SPEF2: variants seen among roughly 807,000 people sequenced by gnomAD.
SPEF2 encodes the protein sperm flagellar and cilia associated 2.
Under a neutral mutation model 224.6 loss-of-function variants are expected in SPEF2, and 187 were observed. That is an observed-to-expected ratio of 0.83 (90% CI 0.74 to 0.94). The LOEUF (loss-of-function observed/expected upper bound fraction) is 0.94, where lower values mean the gene tolerates loss of function less well. SPEF2 is among the 40% of genes least tolerant of loss of function. The pLI, the probability that SPEF2 is intolerant of heterozygous loss-of-function variation, is 0.00. For missense variants in SPEF2, 2,170 were observed against 2,135.6 expected (o/e 1.02, Z -0.32); for synonymous variants, 715 against 707.3 (o/e 1.01, Z -0.17).
In SPEF2 at chr5:35,654,659, G is replaced by T; in HGVS notation, c.911G>T (p.Arg304Leu). 1.2e-6 allele frequency: 2 copies of T among 1,613,852 alleles called. No individual in the cohort carries two copies. Among genetic ancestry groups the T allele is most frequent in the Non-Finnish European group, 1.7e-6 (2 of 1,179,960 alleles). Reference sequence around the variant, plus strand: ...CGCCTTGAAGAAGATGCTTTTGCACGAGAGCAAAGGGAGAAAAGACGGCGG... The same window carrying T: ...CGCCTTGAAGAAGATGCTTTTGCACTAGAGCAAAGGGAGAAAAGACGGCGG... The part of the protein sequence containing the change: ...QKRLEEDAFA[R>L]EQREKRRRKL... The change falls in exon 7 of 37, where the codon CGA becomes CTA. Residue 304 changes from arginine (R) to leucine (L), a missense_variant. Coordinates refer to ENST00000356031, the MANE Select transcript of SPEF2 (RefSeq NM_024867.4).
At chr5:35,646,444 G>A (rs1284396639) in intron 4 of SPEF2, 6 of 382,052 alleles carry the variant, frequency 1.6e-5, no homozygotes, top group Non-Finnish European at 2.8e-5. Context: ...TAATAGATAT[G>A]ATTTGCAGAT....
chr5:35,740,866 C>T (rs1026805819), intron 23 of SPEF2, among the ~76,000 whole-genome samples: 31 of 151,850 alleles, frequency 2.0e-4, no homozygotes, highest in Admixed American at 2.0e-3. Context: ...ATTCTCTTGC[C>T]CTTCATCTTT....
At chr5:35,705,515 AT>A in intron 17 of SPEF2, 135 bp from the exon 18 acceptor site, 1 of 597,378 alleles carries the variant, frequency 1.7e-6, no homozygotes. Context: ...TCTAAAATAA[AT>A]AACATTGTTT....
At chr5:35,738,651 G>A (rs979338649) in intron 21 of SPEF2, among the ~76,000 whole-genome samples, 1 of 150,914 alleles carries the variant, frequency 6.6e-6, no homozygotes. Context: ...ATCCATCTAG[G>A]GGAAAGTTTG....
At chr5:35,771,554 G>A in intron 26 of SPEF2, 55 bp from the exon 27 acceptor site, 1 of 1,570,404 alleles carries the variant, frequency 6.4e-7, no homozygotes, top group Non-Finnish European at 8.6e-7. Context: ...CATCCAAATG[G>A]TTGCCATATT....
At chr5:35,619,080 C>T (rs373250229) in intron 1 of SPEF2, among the ~76,000 whole-genome samples, 2 of 152,148 alleles carry the variant, frequency 1.3e-5, no homozygotes, top group South Asian at 2.1e-4. Context: ...ATCTTTAGCA[C>T]GGAGCATCTC....
chr5:35,769,920 C>T (rs1752558860), intron 26 of SPEF2, among the ~76,000 whole-genome samples: 1 of 151,826 alleles, frequency 6.6e-6, no homozygotes, highest in African/African-American at 2.4e-5. Flanking sequence ...CCTCAATAAC[C>T]CCCATTTTTC....
Position 35,692,550 on chromosome 5 carries a change from A to T in SPEF2, c.1745-20A>T. 1.3e-6 allele frequency: 2 copies of T among 1,546,158 alleles called. No individual in the cohort carries two copies. Among genetic ancestry groups the T allele is most frequent in the Non-Finnish European group, 1.8e-6 (2 of 1,142,468 alleles). On this transcript the variant is annotated intron_variant, in intron 11 of 36. Coordinates refer to ENST00000356031, the MANE Select transcript of SPEF2 (RefSeq NM_024867.4). ...TTCCCAAATGAAAAGCTATTTATAA[A>T]ATTATCTTTTGTACTTTAGACTTTC...
At chr5:35,761,871 C>T (rs992201306) in intron 25 of SPEF2, among the ~76,000 whole-genome samples, 9 of 152,068 alleles carry the variant, frequency 5.9e-5, no homozygotes, top group Admixed American at 1.3e-4. Flanking sequence ...TTATTTCCTG[C>T]GAATAACTCT....
intron 10 of SPEF2, among the ~76,000 whole-genome samples, chr5:35,674,752 A>G (rs1482783896): frequency 6.6e-6 from 1 of 152,098 alleles, no homozygotes; most frequent in Non-Finnish European, 1.5e-5. Flanking sequence ...CTAGCCTCCA[A>G]GTACCATCAC....
At chr5:35,724,359 CTGTT>C (rs1414619881) in intron 20 of SPEF2, among the ~76,000 whole-genome samples, 3 of 152,026 alleles carry the variant, frequency 2.0e-5, no homozygotes, top group Non-Finnish European at 4.4e-5. Flanking sequence ...CTTAATGAAT[CTGTT>C]TATCAGACTG....
At chr5:35,649,876 T>G (rs192470869) in intron 6 of SPEF2, among the ~76,000 whole-genome samples, 1 of 152,324 alleles carries the variant, frequency 6.6e-6, no homozygotes, top group Admixed American at 6.5e-5. Flanking sequence ...ACAGTCACTT[T>G]GGTGGGTCCA....
chr5:35,673,780 AT>A (rs1183715806), intron 10 of SPEF2, among the ~76,000 whole-genome samples: 5 of 152,148 alleles, frequency 3.3e-5, no homozygotes, highest in Non-Finnish European at 7.4e-5. Context: ...TATTAACATT[AT>A]TTTTGGCTTA....
chr5:35,628,497 T>C lies in SPEF2; in HGVS notation c.96T>C (p.Tyr32=). The change falls in exon 2 of 37, where the codon TAT becomes TAC. Residue 32 remains tyrosine, a synonymous_variant. Transcript: ENST00000356031. ...KSFAKAFSSG[Y]LLGEVLHKFE... ...TTGCAAAGGCATTTTCCAGTGGCTA[T>C]CTACTTGGAGAAGTTCTACACAAGT... The C allele has an allele frequency of 6.2e-7, 1 of 1,614,060 alleles. No homozygotes were observed. The highest frequency in any genetic ancestry group is 8.5e-7 in the Non-Finnish European group (1 of 1,179,978).
intron 30 of SPEF2, among the ~76,000 whole-genome samples, chr5:35,786,470 A>C (rs1000562404): frequency 6.6e-6 from 1 of 151,932 alleles, no homozygotes; most frequent in East Asian, 1.9e-4. Flanking sequence ...GACCAGCCTG[A>C]CCAATATGGT....
chr5:35,666,241 T>C (rs893531228), intron 8 of SPEF2, among the ~76,000 whole-genome samples: 1 of 152,164 alleles, frequency 6.6e-6, no homozygotes, highest in African/African-American at 2.4e-5. Context: ...TAGAGCAGGC[T>C]AGCACGTAAC....
Position 35,814,576 on chromosome 5 carries a change from T to A in SPEF2, c.*23T>A, listed in dbSNP as rs987558400. On this transcript the variant is annotated 3_prime_UTR_variant, in exon 37 of 37. Transcript: ENST00000356031. ...TGAAGACAAAAGAGTGTGATTTTTT[T>A]AATTCTGCAATAAATCTTCCAAAAA... 3.7e-5 allele frequency: 55 copies of A among 1,477,530 alleles called. No individual in the cohort carries two copies. The highest frequency in any genetic ancestry group is 6.9e-5 in the East Asian group (3 of 43,240). 91.5% of individuals were successfully genotyped at this position (1,477,530 alleles called of 1,614,324 possible).
intron 9 of SPEF2, among the ~76,000 whole-genome samples, chr5:35,668,185 A>C (rs1222464732): frequency 6.6e-6 from 1 of 152,186 alleles, no homozygotes; most frequent in Non-Finnish European, 1.5e-5. Flanking sequence ...ATTAAGACTT[A>C]AATTCACACA....
At chr5:35,640,694 TTTGA>T (rs981516027) in intron 2 of SPEF2, among the ~76,000 whole-genome samples, 8 of 152,172 alleles carry the variant, frequency 5.3e-5, no homozygotes, top group Admixed American at 3.9e-4. Flanking sequence ...TTATTTGAAG[TTTGA>T]TTGATGCCGC....
Sources: allele counts gnomAD v4.1 joint callset (sites outside exome capture counted in the v4.1 genomes callset), GRCh38; gene constraint gnomAD v4.1.1; transcripts MANE v1.5; gene names NCBI Gene and HGNC (gene_info 2026-07-23, HGNC 2026-07-21).